SEMA5A: variants seen among roughly 807,000 people sequenced by gnomAD.
The protein encoded by SEMA5A is semaphorin-5A.
A neutral mutation model predicts 135.5 loss-of-function variants in SEMA5A; 55 were observed. The ratio of observed to expected loss-of-function variants is 0.41; its 90% CI spans 0.33 to 0.51. The LOEUF (loss-of-function observed/expected upper bound fraction) is 0.51, where lower values mean the gene tolerates loss of function less well. Among genes scored for constraint, SEMA5A ranks in the 20% least tolerant of loss-of-function variants. The pLI is 0.37. For synonymous variants in SEMA5A, 580 were observed against 546.5 expected, an observed-to-expected ratio of 1.06 and a Z score of -0.85; for missense variants, 1,290 against 1,419.9, an observed-to-expected ratio of 0.91 and a Z score of 1.47.
intron 1 of SEMA5A, among the ~76,000 whole-genome samples, chr5:9,457,223 C>T (rs538747550): frequency 3.9e-5 from 6 of 152,212 alleles, no homozygotes; most frequent in Non-Finnish European, 8.8e-5. Flanking sequence ...GGTAAACCTA[C>T]AACACGCAAA....
At chr5:9,412,502 T>C (rs1179560243) in intron 2 of SEMA5A, among the ~76,000 whole-genome samples, 1 of 151,516 alleles carries the variant, frequency 6.6e-6, no homozygotes, top group African/African-American at 2.4e-5. Context: ...TTTTTTTTTT[T>C]TTTTTCACAT....
intron 11 of SEMA5A, among the ~76,000 whole-genome samples, chr5:9,177,174 T>C (rs1744250313): frequency 6.6e-6 from 1 of 152,158 alleles, no homozygotes; most frequent in African/African-American, 2.4e-5. Context: ...TGACAGTACT[T>C]AAATTCTTCC....
intron 2 of SEMA5A, among the ~76,000 whole-genome samples, chr5:9,436,649 C>G (rs1359060571): frequency 6.6e-6 from 1 of 152,168 alleles, no homozygotes; most frequent in African/African-American, 2.4e-5. Context: ...AAATATAAGC[C>G]TGTCCACAAT....
intron 11 of SEMA5A, among the ~76,000 whole-genome samples, chr5:9,178,394 G>C (rs1481951229): frequency 1.4e-5 from 2 of 144,272 alleles, no homozygotes; most frequent in Non-Finnish European, 3.0e-5. Context: ...GTGCAATGGT[G>C]CAGTCTTGGG....
intron 1 of SEMA5A, among the ~76,000 whole-genome samples, chr5:9,511,589 T>C (rs970638440): frequency 3.5e-4 from 54 of 152,212 alleles, no homozygotes; most frequent in Admixed American, 4.6e-4. Context: ...TAGTGTAATT[T>C]GTGCCCCAGG....
intron 2 of SEMA5A, among the ~76,000 whole-genome samples, chr5:9,435,017 T>C (rs1038773294): frequency 2.0e-5 from 3 of 152,190 alleles, no homozygotes; most frequent in African/African-American, 7.2e-5. Context: ...GTATCAGAAG[T>C]ATCCGTTTGT....
At chr5:9,430,444 G>A (rs1487213306) in intron 2 of SEMA5A, among the ~76,000 whole-genome samples, 1 of 152,192 alleles carries the variant, frequency 6.6e-6, no homozygotes, top group Non-Finnish European at 1.5e-5. Flanking sequence ...GACTGGAAGA[G>A]ATTTCTAAAT....
chr5:9,086,516 T>TC lies in SEMA5A; in HGVS notation c.2074-19871dup, dbSNP rs556245495. Among the ~76,000 whole-genome samples the TC allele has an allele frequency of 4.5e-4, 69 of 152,332 alleles. 1 individual carries two copies. The South Asian group carries it at 9.5e-3, about 21-fold the overall frequency. ...TCTGCCGCCATTTGAGATGTGCCTTTCACCTTCCACCATGATTGTGATGCC... is the reference window on the plus strand; with the variant it reads ...TCTGCCGCCATTTGAGATGTGCCTTTCCACCTTCCACCATGATTGTGATGCC... On this transcript the variant is annotated intron_variant, in intron 16 of 22. Transcript: ENST00000382496.
At chr5:9,416,745 G>A (rs1275400362) in intron 2 of SEMA5A, among the ~76,000 whole-genome samples, 3 of 152,152 alleles carry the variant, frequency 2.0e-5, no homozygotes, top group Non-Finnish European at 2.9e-5. Flanking sequence ...CCCCTCCTCA[G>A]GAACATTTGG....
At chr5:9,409,542 C>T (rs1757026038) in intron 2 of SEMA5A, among the ~76,000 whole-genome samples, 1 of 151,816 alleles carries the variant, frequency 6.6e-6, no homozygotes. Flanking sequence ...CTCCCCCTCC[C>T]GACCCACACC....
At chr5:9,269,845 T>C (rs1474770570) in intron 5 of SEMA5A, among the ~76,000 whole-genome samples, 2 of 152,116 alleles carry the variant, frequency 1.3e-5, no homozygotes, top group Non-Finnish European at 1.5e-5. Flanking sequence ...GCCAGTGTTA[T>C]TAAATTCCGT....
At chr5:9,182,487 A>G (rs1410568826) in intron 11 of SEMA5A, among the ~76,000 whole-genome samples, 1 of 152,138 alleles carries the variant, frequency 6.6e-6, no homozygotes. Flanking sequence ...ATGAAATTTT[A>G]CTACAGATAT....
intron 10 of SEMA5A, among the ~76,000 whole-genome samples, chr5:9,192,865 T>C (rs1420561798): frequency 6.6e-6 from 1 of 152,040 alleles, no homozygotes; most frequent in East Asian, 1.9e-4. Context: ...GTAAGCATAG[T>C]GTTTAAAAAA....
intron 8 of SEMA5A, among the ~76,000 whole-genome samples, chr5:9,221,503 A>T (rs112980612): frequency 3.3e-4 from 50 of 149,424 alleles, no homozygotes; most frequent in Middle Eastern, 3.4e-3. Context: ...GGGGTTTCAC[A>T]GTGTTAGCCA....
intron 18 of SEMA5A, among the ~76,000 whole-genome samples, chr5:9,059,352 T>C (rs1196177760): frequency 6.6e-6 from 1 of 152,134 alleles, no homozygotes; most frequent in Non-Finnish European, 1.5e-5. Context: ...GAAGAAGAAA[T>C]AATTAGCTAT....
At chr5:9,184,531 C>A (rs1744704535) in intron 11 of SEMA5A, among the ~76,000 whole-genome samples, 1 of 152,152 alleles carries the variant, frequency 6.6e-6, no homozygotes, top group Non-Finnish European at 1.5e-5. Context: ...TATTTAAAAC[C>A]TTATCTTTTA....
intron 11 of SEMA5A, among the ~76,000 whole-genome samples, chr5:9,156,320 A>C (rs1742952978): frequency 6.6e-6 from 1 of 152,206 alleles, no homozygotes; most frequent in Non-Finnish European, 1.5e-5. Context: ...TACAGCGAAG[A>C]GTCAATAAAC....
chr5:9,216,827 G>T (rs770052223), intron 8 of SEMA5A, among the ~76,000 whole-genome samples: 2 of 152,032 alleles, frequency 1.3e-5, no homozygotes, highest in African/African-American at 2.4e-5. Context: ...TTTTCCATTT[G>T]CTTGGTAGAT....
chr5:9,384,683 G>GAT (rs1378621521), intron 2 of SEMA5A, among the ~76,000 whole-genome samples: 20 of 113,128 alleles, frequency 1.8e-4, no homozygotes, highest in African/African-American at 7.5e-4. Context: ...GATATAGATA[G>GAT]ATAGATAGAT....
Sources: allele counts gnomAD v4.1 joint callset (sites outside exome capture counted in the v4.1 genomes callset), GRCh38; gene constraint gnomAD v4.1.1; transcripts MANE v1.5; gene names NCBI Gene and HGNC (gene_info 2026-07-23, HGNC 2026-07-21).